BRWD1: variants seen among roughly 807,000 people sequenced by gnomAD.
BRWD1 encodes bromodomain and WD repeat domain containing 1.
A neutral mutation model predicts 251.2 loss-of-function variants in BRWD1; 82 were observed. The observed-to-expected ratio is 0.33, with a 90% CI of 0.27 to 0.39. The LOEUF (loss-of-function observed/expected upper bound fraction) is 0.39. Ranked by LOEUF, BRWD1 falls within the 10% of genes least tolerant of loss-of-function variation. The pLI, the probability that BRWD1 is intolerant of heterozygous loss-of-function variation, is 1.00. For missense variants in BRWD1, 2,233 were observed against 2,711.6 expected (o/e 0.82, Z 3.92); for synonymous variants, 918 against 902.8 (o/e 1.02, Z -0.30).
chr21:39,290,024 CAA>C (rs376359142), intron 8 of BRWD1, among the ~76,000 whole-genome samples: 22 of 108,150 alleles, frequency 2.0e-4, no homozygotes, highest in Admixed American at 2.0e-4. Flanking sequence ...GACTCCATCT[CAA>C]AAAAAAAAAA....
intron 21 of BRWD1, among the ~76,000 whole-genome samples, chr21:39,239,160 T>C (rs1476255434): frequency 1.3e-5 from 2 of 152,186 alleles, no homozygotes; most frequent in African/African-American, 4.8e-5. Flanking sequence ...TAATAGTGTC[T>C]TTCCCAAAGC....
At chr21:39,303,184 G>A (rs1169867035) in intron 4 of BRWD1, among the ~76,000 whole-genome samples, 2 of 152,042 alleles carry the variant, frequency 1.3e-5, no homozygotes, top group African/African-American at 4.8e-5. Flanking sequence ...GAAACCTCTA[G>A]GGAAACCACC....
intron 4 of BRWD1, among the ~76,000 whole-genome samples, chr21:39,301,858 G>C (rs1334210887): frequency 1.4e-5 from 2 of 140,200 alleles, no homozygotes; most frequent in African/African-American, 5.4e-5. Flanking sequence ...CCAACATTAG[G>C]AAGGCATAAG....
chr21:39,302,203 C>T (rs8133432), intron 4 of BRWD1, among the ~76,000 whole-genome samples: 1 of 151,500 alleles, frequency 6.6e-6, no homozygotes, highest in Non-Finnish European at 1.5e-5. Flanking sequence ...AGGCTGGTCT[C>T]GAACTCCTGA....
In BRWD1 at chr21:39,276,218, A is replaced by AG. The variant is rs767923576; in HGVS notation, c.1105-6dup. The stretch of plus-strand genomic sequence containing the variant: ...TTGGATACTATCTACTTTATCCTAA[A>AG]GGGGGGAAAAGGACAAATACAAAAA... On this transcript the variant is annotated splice_polypyrimidine_tract_variant and splice_region_variant and intron_variant, in intron 11 of 40. Transcript: ENST00000342449. The AG allele has an allele frequency of 1.2e-5, 19 of 1,594,178 alleles. No individual in the cohort carries two copies. The African/African-American group carries it at 1.7e-4, about 15-fold the overall frequency.
chr21:39,263,280 C>G (rs2034814141), intron 17 of BRWD1, among the ~76,000 whole-genome samples: 2 of 152,102 alleles, frequency 1.3e-5, no homozygotes, highest in Non-Finnish European at 2.9e-5. Context: ...AAATCCTCAT[C>G]CAAACAAACA....
chr21:39,306,282 GA>G (rs1326616011), intron 4 of BRWD1, among the ~76,000 whole-genome samples: 4 of 151,930 alleles, frequency 2.6e-5, no homozygotes, highest in Admixed American at 2.6e-4. Flanking sequence ...TGTTGGCCAG[GA>G]TGGTCTCGAT....
rs771169818 is a variant in BRWD1, at chr21:39,312,791, C to G, written c.198+50G>C. The stretch of plus-strand genomic sequence containing the variant: ...TCCCCGCGAGGGGAAGGGGCGGGGG[C>G]GGGGGGCGGTGCACGGAAAACCCGG... On this transcript the variant is annotated intron_variant, in intron 4 of 40. Coordinates refer to ENST00000342449, the MANE Select transcript of BRWD1 (RefSeq NM_033656.4). 4.8e-6 allele frequency: 7 copies of G among 1,458,630 alleles called. No homozygotes were observed. In the South Asian group the frequency reaches 7.2e-5, roughly 15 times the overall value. The allele number at this position is 1,458,630 out of a possible 1,614,324, so 90.4% of individuals were successfully genotyped here. A position where few individuals can be genotyped will look rare whatever the true frequency, so the allele number is the denominator to read the frequency against.
In BRWD1 at chr21:39,192,521, A is replaced by G. The variant is rs1601223784; in HGVS notation, c.*3738T>C. ...AACATTAACAGGTGAAAAGTTCTAC[A>G]ATGACTTGTTGCACTCTATCACATT... is the stretch of plus-strand genomic sequence containing the variant. On this transcript the variant is annotated 3_prime_UTR_variant, in exon 41 of 41. Coordinates refer to ENST00000342449, the MANE Select transcript of BRWD1 (RefSeq NM_033656.4). 1 of 984,548 alleles carries G rather than the reference A, an allele frequency of 1.0e-6. No homozygotes were observed. Among genetic ancestry groups the G allele is most frequent in the Non-Finnish European group, 1.2e-6 (1 of 829,174 alleles). The allele number at this position is 984,548 out of a possible 1,614,324, so 61.0% of individuals were successfully genotyped here.
chr21:39,225,287 A>AG, intron 27 of BRWD1, 90 bp from the exon 28 acceptor site: 1 of 854,544 alleles, frequency 1.2e-6, no homozygotes, highest in Non-Finnish European at 1.7e-6. Context: ...GATACAGATA[A>AG]AAAAGCCAAA....
At position 39,215,346 on chromosome 21, in the gene BRWD1, C is replaced by T. The variant is rs750383331; in HGVS notation, c.3676G>A (p.Val1226Ile). The T allele has an allele frequency of 4.5e-5, 72 of 1,613,334 alleles. No homozygotes were observed. The highest frequency in any genetic ancestry group is 4.6e-5 in the Non-Finnish European group (54 of 1,179,588). ...NRFYRRLSALVWEVRYIEHNA... is the reference protein window; with the variant it reads ...NRFYRRLSALIWEVRYIEHNA... Reference sequence around the variant, plus strand: ...TGTTCTATATATCTGACTTCCCAAACTAACGCAGACAGCCTCCTTCAAAAT... The same window carrying T: ...TGTTCTATATATCTGACTTCCCAAATTAACGCAGACAGCCTCCTTCAAAAT... The change falls in exon 32 of 41, where the codon GTT (valine) becomes ATT (isoleucine). Residue 1226 changes from valine to isoleucine, a missense_variant. Coordinates refer to ENST00000342449, the MANE Select transcript of BRWD1 (RefSeq NM_033656.4).
At position 39,232,345 on chromosome 21, in the gene BRWD1, C is replaced by T. The variant is rs187002981; in HGVS notation, c.2892+28G>A. On this transcript the variant is annotated intron_variant, in intron 24 of 40. Coordinates refer to ENST00000342449, the MANE Select transcript of BRWD1 (RefSeq NM_033656.4). ...CAATATAAACTTTATGTTCCATATT[C>T]GTGTTTTTAAATTTGTATTACTCTC... 35 of 1,598,902 alleles carry T rather than the reference C, an allele frequency of 2.2e-5. 1 individual carries two copies. In the African/African-American group the frequency reaches 3.0e-4, roughly 14 times the overall value.
At chr21:39,213,576 A>T in intron 32 of BRWD1, 23 bp from the exon 33 acceptor site, 1 of 1,506,838 alleles carries the variant, frequency 6.6e-7, no homozygotes, top group Non-Finnish European at 9.2e-7. Flanking sequence ...TTTTCACTTT[A>T]ATAGTATGCA....
At chr21:39,207,467 CACACACACACACACACAA>C (rs1485562258) in intron 36 of BRWD1, among the ~76,000 whole-genome samples, 1 of 150,552 alleles carries the variant, frequency 6.6e-6, no homozygotes, top group Non-Finnish European at 1.5e-5. Flanking sequence ...CACACACACA[CACACACACACACACACAA>C]ACAAAACTCC....
At position 39,196,129 on chromosome 21, in the gene BRWD1, A is replaced by T; in HGVS notation, c.*130T>A. The T allele has an allele frequency of 6.9e-7, 1 of 1,447,554 alleles. No homozygotes were observed. Among genetic ancestry groups the T allele is most frequent in the Non-Finnish European group, 9.0e-7 (1 of 1,107,842 alleles). 89.7% of individuals were successfully genotyped at this position (1,447,554 alleles called of 1,614,324 possible). A position where few individuals can be genotyped will look rare whatever the true frequency, so the allele number is the denominator to read the frequency against. ...AAAATAACAGTCATGATTTAGTCAC[A>T]TTCATAACTTTTCATAGAAAAATAT... On this transcript the variant is annotated 3_prime_UTR_variant, in exon 41 of 41. Transcript: ENST00000342449.
At chr21:39,271,246 C>G (rs1020283298) in intron 13 of BRWD1, among the ~76,000 whole-genome samples, 1 of 152,010 alleles carries the variant, frequency 6.6e-6, no homozygotes, top group South Asian at 2.1e-4. Context: ...GAACCAAGAC[C>G]GCACCATTGC....
intron 23 of BRWD1, among the ~76,000 whole-genome samples, chr21:39,233,407 T>C (rs887198145): frequency 1.5e-4 from 23 of 152,172 alleles, no homozygotes; most frequent in African/African-American, 5.3e-4. Context: ...TACAAAGACT[T>C]AACATCTTTA....
Position 39,210,025 on chromosome 21 carries a change from T to G in BRWD1, c.4167A>C (p.Ala1389=), listed in dbSNP as rs373197993. 6.2e-7 allele frequency: 1 copy of G among 1,613,614 alleles called. No individual in the cohort carries two copies. ...CKDIRLIFSN[A]KAYTPNKRSK... ...ATCTTTTGTTTGGTGTATACGCTTTTGCATTGCTAAATATCAGCCGGATGT... is the reference window on the plus strand; with the variant it reads ...ATCTTTTGTTTGGTGTATACGCTTTGGCATTGCTAAATATCAGCCGGATGT... Residue 1389 remains alanine, a synonymous_variant, in exon 36 of 41, where the codon GCA becomes GCC. Transcript: ENST00000342449.
rs1391268352 is a variant in BRWD1, at chr21:39,190,289, A to G, written c.*5970T>C. ...ATTCTGCACAATATTTCATCATACA[A>G]AACTGTTTTCCTAAATTCAAAGTAA... is the stretch of plus-strand genomic sequence containing the variant. On this transcript the variant is annotated 3_prime_UTR_variant, in exon 41 of 41. Coordinates refer to ENST00000342449, the MANE Select transcript of BRWD1 (RefSeq NM_033656.4). 3.0e-6 allele frequency: 3 copies of G among 984,738 alleles called. No homozygotes were observed. In the East Asian group the frequency reaches 3.4e-4, roughly 112 times the overall value. 61.0% of individuals were successfully genotyped at this position (984,738 alleles called of 1,614,324 possible). A position where few individuals can be genotyped will look rare whatever the true frequency, so the allele number is the denominator to read the frequency against.
Sources: allele counts gnomAD v4.1 joint callset (sites outside exome capture counted in the v4.1 genomes callset), GRCh38; gene constraint gnomAD v4.1.1; transcripts MANE v1.5; gene names NCBI Gene and HGNC (gene_info 2026-07-23, HGNC 2026-07-21).